The following MITF variants were observed in gnomAD, a reference collection of about 807,000 sequenced individuals.
MITF encodes the protein melanocyte inducing transcription factor.
Under a neutral mutation model 60.5 loss-of-function variants are expected in MITF, and 17 were observed. That is an observed-to-expected ratio of 0.28 (90% CI 0.19 to 0.42). The LOEUF (loss-of-function observed/expected upper bound fraction) is 0.42, where lower values mean the gene tolerates loss of function less well. MITF is among the 10% of genes least tolerant of loss of function. The pLI is 1.00. For missense variants in MITF, 622 were observed against 683.5 expected (o/e 0.91, Z 1.00); for synonymous variants, 260 against 248.5 (o/e 1.05, Z -0.43).
At chr3:69,894,414 A>G (rs564707743) in intron 2 of MITF, among the ~76,000 whole-genome samples, 1 of 152,344 alleles carries the variant, frequency 6.6e-6, no homozygotes, top group South Asian at 2.1e-4. Flanking sequence ...GGCTGGGCAC[A>G]GTGGCTCACG....
intron 2 of MITF, among the ~76,000 whole-genome samples, chr3:69,920,622 G>C (rs1205418516): frequency 1.3e-5 from 2 of 152,162 alleles, no homozygotes; most frequent in Admixed American, 6.5e-5. Flanking sequence ...AGGGCTCCCT[G>C]TCCAGTGGAC....
At chr3:69,743,495 G>A (rs550224944) in intron 1 of MITF, among the ~76,000 whole-genome samples, 4 of 152,302 alleles carry the variant, frequency 2.6e-5, no homozygotes, top group Admixed American at 2.6e-4. Flanking sequence ...GGAAGGACAT[G>A]TTTCATTTCT....
intron 1 of MITF, among the ~76,000 whole-genome samples, chr3:69,827,299 G>C (rs377293743): frequency 1.3e-5 from 2 of 152,320 alleles, no homozygotes; most frequent in African/African-American, 4.8e-5. Context: ...CAAAGCCACT[G>C]TATCAGTCAG....
intron 1 of MITF, among the ~76,000 whole-genome samples, chr3:69,747,584 C>T (rs116799826): frequency 6.6e-6 from 1 of 152,200 alleles, no homozygotes; most frequent in African/African-American, 2.4e-5. Context: ...CAGGGTTACC[C>T]ATAGGACTGA....
rs181452379 is a variant in MITF at position 69,941,729 on chromosome 3, T to C, written c.762+398T>C. Among the ~76,000 whole-genome samples the C allele has an allele frequency of 1.8e-3, 281 of 152,300 alleles. 1 individual carries two copies. Among genetic ancestry groups the C allele is most frequent in the Non-Finnish European group, 3.2e-3 (221 of 68,022 alleles). ...TTTCAAGAAGGTTTTCTCATATTCT[T>C]AGGTGATAGAGGGACATTGGAGTTA... On this transcript the variant is annotated intron_variant, in intron 5 of 9. Coordinates refer to ENST00000352241, the MANE Select transcript of MITF (RefSeq NM_001354604.2).
At chr3:69,786,966 C>T (rs2062659978) in intron 1 of MITF, among the ~76,000 whole-genome samples, 2 of 152,196 alleles carry the variant, frequency 1.3e-5, no homozygotes, top group Non-Finnish European at 2.9e-5. Context: ...CCAATCCACT[C>T]TGCCTTCATG....
At chr3:69,928,405 T>C (rs1003986556) in intron 2 of MITF, among the ~76,000 whole-genome samples, 4 of 152,234 alleles carry the variant, frequency 2.6e-5, no homozygotes, top group African/African-American at 9.6e-5. Flanking sequence ...GGAACCTTGT[T>C]CAGGGATATG....
At chr3:69,813,611 A>G (rs1484636301) in intron 1 of MITF, among the ~76,000 whole-genome samples, 1 of 152,172 alleles carries the variant, frequency 6.6e-6, no homozygotes, top group Non-Finnish European at 1.5e-5. Context: ...TTCTGGAGTT[A>G]CGCAGCTTTT....
At chr3:69,793,495 T>TGCTCATAGCATGCACCCTCTCCCAAG (rs2062777234) in intron 1 of MITF, among the ~76,000 whole-genome samples, 1 of 151,962 alleles carries the variant, frequency 6.6e-6, no homozygotes, top group Admixed American at 6.5e-5. Context: ...ACCCATTAGA[T>TGCTCATAGCATGCACCCTCTCCCAAG]GCTCATAGCA....
chr3:69,740,485 G>T (rs1043322220), intron 1 of MITF, among the ~76,000 whole-genome samples: 4 of 152,110 alleles, frequency 2.6e-5, no homozygotes, highest in African/African-American at 7.2e-5. Flanking sequence ...CTTTTTAGAC[G>T]AGGAGTGAAG....
chr3:69,916,466 A>G (rs1014284186), intron 2 of MITF, among the ~76,000 whole-genome samples: 6 of 152,298 alleles, frequency 3.9e-5, no homozygotes, highest in Non-Finnish European at 8.8e-5. Context: ...TCCTTAATTG[A>G]CTTAAACACA....
At position 69,937,977 on chromosome 3, in the gene MITF, A is replaced by G; in HGVS notation, c.510A>G (p.Pro170=). The change falls in exon 3 of 10, where the codon CCA becomes CCG. Residue 170 remains proline (P), a synonymous_variant. Transcript: ENST00000352241. The part of the protein sequence containing the change: ...CPNQPGDHVM[P]PVPGSSAPNS... Reference sequence around the variant, plus strand: ...ACCAGCCTGGCGATCATGTCATGCCACCGGTGCCGGGGAGCAGCGCACCCA... The same window carrying G: ...ACCAGCCTGGCGATCATGTCATGCCGCCGGTGCCGGGGAGCAGCGCACCCA... The G allele has an allele frequency of 1.2e-6, 2 of 1,614,154 alleles. No homozygotes were observed. The highest frequency in any genetic ancestry group is 2.2e-5 in the East Asian group (1 of 44,850).
intron 2 of MITF, among the ~76,000 whole-genome samples, chr3:69,935,106 C>T (rs2065803856): frequency 6.6e-6 from 1 of 152,178 alleles, no homozygotes; most frequent in Non-Finnish European, 1.5e-5. Flanking sequence ...TTCCTCGTAG[C>T]TCATGTTCCT....
At chr3:69,898,608 C>T (rs912521625) in intron 2 of MITF, among the ~76,000 whole-genome samples, 13 of 152,094 alleles carry the variant, frequency 8.5e-5, no homozygotes, top group African/African-American at 2.7e-4. Flanking sequence ...TATGAAGCAG[C>T]CAGTAGGACA....
intron 2 of MITF, among the ~76,000 whole-genome samples, chr3:69,903,433 A>G (rs1187682971): frequency 6.6e-6 from 1 of 152,130 alleles, no homozygotes; most frequent in Non-Finnish European, 1.5e-5. Flanking sequence ...GAGCCTGACT[A>G]ACTATCTTGC....
intron 1 of MITF, among the ~76,000 whole-genome samples, chr3:69,853,660 C>T (rs1277661770): frequency 1.3e-5 from 2 of 152,108 alleles, no homozygotes; most frequent in Admixed American, 6.5e-5. Context: ...CTTTTCATTA[C>T]ACTTTTAGAA....
intron 1 of MITF, among the ~76,000 whole-genome samples, chr3:69,816,710 A>C (rs181618980): frequency 6.6e-6 from 1 of 152,286 alleles, no homozygotes; most frequent in Non-Finnish European, 1.5e-5. Context: ...GTAGTACCTA[A>C]TTCATAGGGG....
chr3:69,940,588 A>C (rs1199430612), intron 4 of MITF, among the ~76,000 whole-genome samples: 1 of 152,196 alleles, frequency 6.6e-6, no homozygotes, highest in African/African-American at 2.4e-5. Flanking sequence ...GTAGCTGTAC[A>C]AGGAGAAACT....
At chr3:69,851,881 G>A (rs912633494) in intron 1 of MITF, among the ~76,000 whole-genome samples, 4 of 152,044 alleles carry the variant, frequency 2.6e-5, no homozygotes, top group Non-Finnish European at 4.4e-5. Flanking sequence ...TGAAAAGGCC[G>A]ATATATGTAA....
Sources: allele counts gnomAD v4.1 joint callset (sites outside exome capture counted in the v4.1 genomes callset), GRCh38; gene constraint gnomAD v4.1.1; transcripts MANE v1.5; gene names NCBI Gene and HGNC (gene_info 2026-07-23, HGNC 2026-07-21).